Variants in THSD7B observed in about 807,000 individuals in gnomAD.
THSD7B encodes thrombospondin type-1 domain-containing protein 7B.
Under a neutral mutation model 213.6 loss-of-function variants are expected in THSD7B, and 138 were observed. The ratio of observed to expected loss-of-function variants is 0.65; its 90% confidence interval spans 0.56 to 0.74. THSD7B has a LOEUF of 0.74. Ranked by LOEUF, THSD7B falls within the 30% of genes least tolerant of loss-of-function variation. THSD7B has a pLI of 0.00. For missense variants in THSD7B, 1,931 were observed against 1,991.5 expected (o/e 0.97, Z 0.58); for synonymous variants, 742 against 687.0 (o/e 1.08, Z -1.25).
chr2:137,429,578 A>T (rs1347378260), intron 14 of THSD7B, among the ~76,000 whole-genome samples: 3 of 152,232 alleles, frequency 2.0e-5, no homozygotes, highest in Non-Finnish European at 4.4e-5. Flanking sequence ...AATTAAATGT[A>T]AAACATACCA....
chr2:137,307,724 T>A (rs1683790293), intron 12 of THSD7B, among the ~76,000 whole-genome samples: 1 of 152,136 alleles, frequency 6.6e-6, no homozygotes. Context: ...CTTTGTGCAA[T>A]TTGGACACAG....
At chr2:137,602,951 C>T (rs1215653860) in intron 17 of THSD7B, among the ~76,000 whole-genome samples, 1 of 152,156 alleles carries the variant, frequency 6.6e-6, no homozygotes, top group Non-Finnish European at 1.5e-5. Context: ...GCTTCCCATG[C>T]CCACTCATCA....
intron 10 of THSD7B, among the ~76,000 whole-genome samples, chr2:137,261,469 GTCT>G (rs1448874178): frequency 5.3e-5 from 8 of 152,084 alleles, no homozygotes; most frequent in Admixed American, 5.2e-4. Context: ...CCTAAATCAA[GTCT>G]TCTTATTATT....
At chr2:137,486,823 C>T (rs901958896) in intron 15 of THSD7B, among the ~76,000 whole-genome samples, 11 of 152,258 alleles carry the variant, frequency 7.2e-5, no homozygotes, top group African/African-American at 2.6e-4. Context: ...CAAACTAGAA[C>T]TCAGGATTAA....
At chr2:137,318,371 A>C (rs1361210424) in intron 12 of THSD7B, among the ~76,000 whole-genome samples, 2 of 152,194 alleles carry the variant, frequency 1.3e-5, no homozygotes, top group Non-Finnish European at 1.5e-5. Flanking sequence ...ATTGAGACTT[A>C]ATGTCTTTAT....
chr2:136,942,377 T>G (rs1684843781), intron 2 of THSD7B, among the ~76,000 whole-genome samples: 1 of 152,214 alleles, frequency 6.6e-6, no homozygotes. Context: ...TTTTTTCCAA[T>G]TCTGTGAAGA....
chr2:137,501,487 A>C (rs2105136911), intron 15 of THSD7B, among the ~76,000 whole-genome samples: 1 of 152,278 alleles, frequency 6.6e-6, no homozygotes. Context: ...ATAATCTCAA[A>C]ATTTTTGATT....
chr2:137,089,279 T>C lies in THSD7B; in HGVS notation c.951-5594T>C, dbSNP rs530627225. 6.3e-3 allele frequency among the ~76,000 whole-genome samples: 941 copies of C among 150,066 alleles called. 9 individuals are homozygous for C. The highest frequency in any genetic ancestry group is 0.022 in the African/African-American group (887 of 40,310). On this transcript the variant is annotated intron_variant, in intron 3 of 27. Transcript: ENST00000409968. ...GTGTGTGTGTGTGTGTGTGTGTATA[T>C]GTATATATACATATATATGTGTGTG...
chr2:137,334,460 C>T (rs1454090448), intron 12 of THSD7B, among the ~76,000 whole-genome samples: 1 of 152,102 alleles, frequency 6.6e-6, no homozygotes, highest in Non-Finnish European at 1.5e-5. Flanking sequence ...GCCCTCAATC[C>T]TTTCTGTCAC....
chr2:137,074,605 T>C (rs949233589), intron 3 of THSD7B, among the ~76,000 whole-genome samples: 3 of 152,214 alleles, frequency 2.0e-5, no homozygotes, highest in Non-Finnish European at 4.4e-5. Context: ...AATATTGTTA[T>C]GTGTGAATTT....
At chr2:137,349,015 A>C (rs1684951632) in intron 12 of THSD7B, among the ~76,000 whole-genome samples, 2 of 151,626 alleles carry the variant, frequency 1.3e-5, no homozygotes, top group Non-Finnish European at 3.0e-5. Context: ...CTGCATGTCA[A>C]TATGTGTAGA....
At chr2:137,307,766 AAT>A (rs1284517120) in intron 12 of THSD7B, among the ~76,000 whole-genome samples, 1 of 152,108 alleles carries the variant, frequency 6.6e-6, no homozygotes, top group Non-Finnish European at 1.5e-5. Flanking sequence ...CACAAGCATA[AAT>A]TACGTTCTTC....
rs1016295672 is a variant in THSD7B, at chr2:137,447,066, C to T, written c.2960-3779C>T. Reference sequence around the variant, plus strand: ...TATGAATTTTCCTTTGGGGTATACTCTGGCATGAAAATAATTTTCCTGAAA... The same window carrying T: ...TATGAATTTTCCTTTGGGGTATACTTTGGCATGAAAATAATTTTCCTGAAA... On this transcript the variant is annotated intron_variant, in intron 14 of 27. Coordinates refer to ENST00000409968, the MANE Select transcript of THSD7B (RefSeq NM_001316349.2). 5.9e-5 allele frequency among the ~76,000 whole-genome samples: 9 copies of T among 152,190 alleles called. No homozygotes were observed. The East Asian group carries it at 1.7e-3, about 29-fold the overall frequency.
intron 2 of THSD7B, among the ~76,000 whole-genome samples, chr2:136,887,746 T>A (rs149781941): frequency 6.6e-6 from 1 of 152,148 alleles, no homozygotes; most frequent in Non-Finnish European, 1.5e-5. Context: ...AATTACCTAG[T>A]CTTGGGTATT....
chr2:136,881,480 A>G (rs947606533), intron 1 of THSD7B, among the ~76,000 whole-genome samples: 2 of 152,204 alleles, frequency 1.3e-5, no homozygotes, highest in African/African-American at 4.8e-5. Context: ...TTCAAATGTT[A>G]ATATTATAAA....
intron 2 of THSD7B, among the ~76,000 whole-genome samples, chr2:136,975,299 T>A (rs1307114258): frequency 6.6e-6 from 1 of 152,226 alleles, no homozygotes; most frequent in Non-Finnish European, 1.5e-5. Context: ...TGGTATTGTC[T>A]AGATTTTCTC....
chr2:137,115,580 T>C (rs1254796467), intron 5 of THSD7B, among the ~76,000 whole-genome samples: 1 of 152,210 alleles, frequency 6.6e-6, no homozygotes, highest in Non-Finnish European at 1.5e-5. Context: ...AAGGGTCTGG[T>C]ATGCCAGGAA....
At chr2:137,180,208 A>G (rs1450189642) in intron 7 of THSD7B, among the ~76,000 whole-genome samples, 1 of 152,168 alleles carries the variant, frequency 6.6e-6, no homozygotes, top group Non-Finnish European at 1.5e-5. Context: ...AGATGGAAAG[A>G]TACTATGGGT....
At chr2:137,130,672 T>C (rs1318014954) in intron 5 of THSD7B, among the ~76,000 whole-genome samples, 5 of 151,340 alleles carry the variant, frequency 3.3e-5, no homozygotes, top group Non-Finnish European at 4.4e-5. Context: ...AATGATGATT[T>C]CCAATTTCAT....
Sources: gnomAD v4.1 joint callset for allele counts (sites outside exome capture counted in the v4.1 genomes callset) on GRCh38, gnomAD v4.1.1 for gene constraint, MANE v1.5 for transcripts, NCBI Gene and HGNC (gene_info 2026-07-23, HGNC 2026-07-21) for gene names.